The following SRGAP2 variants were observed in gnomAD, a reference collection of about 807,000 sequenced individuals.
SRGAP2 encodes SLIT-ROBO Rho GTPase activating protein 2.
Under a neutral mutation model 57.2 loss-of-function variants are expected in SRGAP2, and 15 were observed. That is an observed-to-expected ratio of 0.26 (90% CI 0.18 to 0.40). The LOEUF is 0.40. Ranked by LOEUF, SRGAP2 falls within the 10% of genes least tolerant of loss-of-function variation. SRGAP2 has a pLI of 1.00. For missense variants in SRGAP2, 520 were observed against 669.6 expected (o/e 0.78, Z 2.47); for synonymous variants, 249 against 248.0 (o/e 1.00, Z -0.04).
At chr1:206,363,445 A>G (rs1264842622) in intron 4 of SRGAP2, among the ~76,000 whole-genome samples, 1 of 152,216 alleles carries the variant, frequency 6.6e-6, no homozygotes, top group Admixed American at 6.5e-5. Context: ...AATCTCGTAT[A>G]AGCACAGTAC....
rs1571882047 is a variant in SRGAP2 at position 206,333,313 on chromosome 1, T to G, written c.261-9533T>G. On this transcript the variant is annotated intron_variant, in intron 3 of 22. Transcript: ENST00000573034. ...TTCGGCCATCTTGGCTCCTCCCCCC[T>G]ACACTGAATCATTTATTTTGAGCCA... is the stretch of plus-strand genomic sequence containing the variant. 11 of 1,224,120 alleles carry G rather than the reference T, an allele frequency of 9.0e-6. No individual in the cohort carries two copies. The East Asian group carries it at 2.6e-4, about 29-fold the overall frequency. 75.8% of individuals were successfully genotyped at this position (1,224,120 alleles called of 1,614,324 possible).
At chr1:206,304,026 A>G (rs1246742630) in intron 3 of SRGAP2, among the ~76,000 whole-genome samples, 2 of 152,154 alleles carry the variant, frequency 1.3e-5, no homozygotes, top group African/African-American at 2.4e-5. Context: ...CTTTAATTAG[A>G]AGAAATAAAT....
At chr1:206,253,548 CTCTT>C (rs1227480932) in intron 2 of SRGAP2, among the ~76,000 whole-genome samples, 18 of 150,046 alleles carry the variant, frequency 1.2e-4, no homozygotes, top group African/African-American at 3.9e-4. Flanking sequence ...CACTCTCTCT[CTCTT>C]TCTTTCTCTT....
At position 206,206,004 on chromosome 1, in the gene SRGAP2, G is replaced by A; in HGVS notation, c.34G>A (p.Glu12Lys). Residue 12 changes from glutamate (E) to lysine (K), a missense_variant, in exon 2 of 23, where the codon GAG becomes AAG. Physicochemically the swap from Glu to Lys is moderately conservative, Grantham distance 56. This residue lies in a region of SRGAP2 where 26 missense variants were observed against 202.3 expected (regional missense o/e 0.13). Coordinates refer to ENST00000573034, the MANE Select transcript of SRGAP2 (RefSeq NM_015326.5). ...TCCAGCCAAATTCAAAAAGGATAAG[G>A]AGATCATAGCAGAGTACGATACTCA... ...TSPAKFKKDK[E>K]IIAEYDTQVK... The A allele has an allele frequency of 6.5e-7, 1 of 1,548,310 alleles. No homozygotes were observed. The highest frequency in any genetic ancestry group is 8.7e-7 in the Non-Finnish European group (1 of 1,146,814).
chr1:206,446,009 G>C, intron 17 of SRGAP2, 66 bp from the exon 18 acceptor site: 1 of 759,918 alleles, frequency 1.3e-6, no homozygotes, highest in Non-Finnish European at 2.5e-6. Context: ...AGCGCCTCCT[G>C]TGATTGTGTT....
rs1553377433 is a variant in SRGAP2 at position 206,454,262 on chromosome 1, C to G, written c.2361-616C>G. On this transcript the variant is annotated intron_variant, in intron 20 of 22. Coordinates refer to ENST00000573034, the MANE Select transcript of SRGAP2 (RefSeq NM_015326.5). This position sits in a 1 kb window ranked among gnomAD's most constrained non-coding sequence, Gnocchi z 4.3. ...TGGCAATCTGTGCGTGGACAGGACC[C>G]TCCCAAATTTAGCATTATGACTTCA... The G allele has an allele frequency of 4.3e-6, 3 of 691,562 alleles. No homozygotes were observed. 42.8% of individuals were successfully genotyped at this position (691,562 alleles called of 1,614,324 possible). A position where few individuals can be genotyped will look rare whatever the true frequency, so the allele number is the denominator to read the frequency against.
intron 12 of SRGAP2, 28 bp from the exon 13 acceptor site, chr1:206,421,222 C>G (rs781896391): frequency 1.4e-4 from 106 of 777,460 alleles, no homozygotes; most frequent in Middle Eastern, 9.0e-4. Context: ...TGGATTGGTC[C>G]AATCTGATTC....
chr1:206,322,889 A>T (rs1468881104), intron 3 of SRGAP2, among the ~76,000 whole-genome samples: 1 of 143,374 alleles, frequency 7.0e-6, no homozygotes. Context: ...GTGCTGCCTG[A>T]CAACATGGTG....
Position 206,459,531 on chromosome 1 carries a change from T to G in SRGAP2, c.2832+584T>G, listed in dbSNP as rs147693038. ...AGATGAGCTCCCTGGTTGCAGGGTC[T>G]TCCTTCTGTGTATGCACCGCACTGA... On this transcript the variant is annotated intron_variant, in intron 22 of 22. Coordinates refer to ENST00000573034, the MANE Select transcript of SRGAP2 (RefSeq NM_015326.5). Among the ~76,000 whole-genome samples, 920 of 151,868 alleles carry G rather than the reference T, an allele frequency of 6.1e-3. 12 individuals carry two copies. The highest frequency in any genetic ancestry group is 0.021 in the African/African-American group (866 of 41,140).
At chr1:206,307,693 C>T (rs1672329011) in intron 3 of SRGAP2, among the ~76,000 whole-genome samples, 1 of 152,246 alleles carries the variant, frequency 6.6e-6, no homozygotes, top group East Asian at 1.9e-4. Flanking sequence ...GCCACTGGCC[C>T]GGGTGCTAAG....
chr1:206,333,311 C>G (rs1392741516), intron 3 of SRGAP2: 68 of 1,216,952 alleles, frequency 5.6e-5, no homozygotes, highest in African/African-American at 2.1e-4. Flanking sequence ...GCTCCTCCCC[C>G]CTACACTGAA....
intron 4 of SRGAP2, among the ~76,000 whole-genome samples, chr1:206,356,838 T>A (rs1676474467): frequency 6.7e-6 from 1 of 148,846 alleles, no homozygotes; most frequent in Non-Finnish European, 1.5e-5. Context: ...TTCTACTAGA[T>A]CCTACCTTTC....
intron 5 of SRGAP2, among the ~76,000 whole-genome samples, chr1:206,385,846 C>T (rs562382100): frequency 9.2e-5 from 14 of 152,246 alleles, no homozygotes; most frequent in South Asian, 2.1e-4. Context: ...ATAACATCTT[C>T]CCATTGATGT....
In SRGAP2 at chr1:206,298,412, T is replaced by C. The variant is rs1415155787; in HGVS notation, c.68-4869T>C. On this transcript the variant is annotated intron_variant, in intron 2 of 22. Transcript: ENST00000573034. ...ATCCGTTCCTCCTTTTGGCTCCTGT[T>C]TGTTGGGTTATTTTCCCCTTCACTG... 1.6e-4 allele frequency among the ~76,000 whole-genome samples: 24 copies of C among 152,336 alleles called. No homozygotes were observed. The East Asian group carries it at 4.6e-3, about 29-fold the overall frequency.
At chr1:206,346,800 T>G in intron 4 of SRGAP2, among the ~76,000 whole-genome samples, 1 of 152,230 alleles carries the variant, frequency 6.6e-6, no homozygotes, top group Non-Finnish European at 1.5e-5. Flanking sequence ...ATTATGATAA[T>G]AGAAGTCATT....
intron 2 of SRGAP2, among the ~76,000 whole-genome samples, chr1:206,209,637 G>A (rs1249608333): frequency 6.6e-6 from 1 of 151,422 alleles, no homozygotes; most frequent in Admixed American, 6.6e-5. Flanking sequence ...AATATTCTTA[G>A]TCTTTTTACA....
intron 10 of SRGAP2, among the ~76,000 whole-genome samples, chr1:206,413,004 G>C (rs1472875234): frequency 6.6e-6 from 1 of 152,164 alleles, no homozygotes. Flanking sequence ...AACCCGAAGA[G>C]GTAATCCATC....
intron 2 of SRGAP2, among the ~76,000 whole-genome samples, chr1:206,273,685 A>G (rs1670250163): frequency 6.7e-6 from 1 of 150,212 alleles, no homozygotes; most frequent in Non-Finnish European, 1.5e-5. Flanking sequence ...TGAGGACAGC[A>G]GTGTGTAAGC....
chr1:206,409,602 T>C (rs3179366), intron 10 of SRGAP2, among the ~76,000 whole-genome samples: 1 of 140,802 alleles, frequency 7.1e-6, no homozygotes, highest in Non-Finnish European at 1.6e-5. Flanking sequence ...GACAACATGG[T>C]GAAACCCTGT....
Sources: gnomAD v4.1 joint callset for allele counts (sites outside exome capture counted in the v4.1 genomes callset) on GRCh38, gnomAD v4.1.1 for gene constraint, gnomAD v4.1.1 regional missense constraint, Gnocchi (gnomAD v3.1) non-coding constraint, MANE v1.5 for transcripts, NCBI Gene and HGNC (gene_info 2026-07-23, HGNC 2026-07-21) for gene names.